The following AGMO variants were observed in gnomAD, a reference collection of about 807,000 sequenced individuals.
AGMO encodes glyceryl-ether monooxygenase.
A neutral mutation model predicts 60.2 loss-of-function variants in AGMO; 75 were observed. The ratio of observed to expected loss-of-function variants is 1.25; its 90% CI spans 1.03 to 1.51. The LOEUF is 1.51. Ranked by LOEUF, AGMO falls within the 40% of genes most tolerant of loss-of-function variation. The pLI is 0.00. For synonymous variants in AGMO, 261 were observed against 177.1 expected (o/e 1.47, Z -3.76); for missense variants, 763 against 525.5 (o/e 1.45, Z -4.42).
intron 12 of AGMO, among the ~76,000 whole-genome samples, chr7:15,313,778 A>C (rs1359447297): frequency 6.6e-6 from 1 of 151,900 alleles, no homozygotes; most frequent in African/African-American, 2.4e-5. Context: ...ATAAAGTTTA[A>C]TTTATAGACA....
At chr7:15,341,263 C>G (rs990790811) in intron 12 of AGMO, among the ~76,000 whole-genome samples, 8 of 152,264 alleles carry the variant, frequency 5.3e-5, no homozygotes, top group Non-Finnish European at 1.0e-4. Flanking sequence ...TTTTTATGCT[C>G]TGTCACCTCC....
chr7:15,416,027 C>CTTTTTTTTTTTTTT (rs759040945), intron 5 of AGMO, among the ~76,000 whole-genome samples: 3 of 130,882 alleles, frequency 2.3e-5, no homozygotes, highest in Non-Finnish European at 4.9e-5. Context: ...TTCTTTTTTT[C>CTTTTTTTTTTTTTT]TTTTTTTTTT....
intron 2 of AGMO, among the ~76,000 whole-genome samples, chr7:15,556,316 T>C (rs1368317796): frequency 2.0e-5 from 3 of 150,010 alleles, no homozygotes; most frequent in African/African-American, 7.4e-5. Flanking sequence ...TGCATATATA[T>C]GATTGAACAT....
chr7:15,326,830 A>G (rs942851937), intron 12 of AGMO, among the ~76,000 whole-genome samples: 14 of 152,182 alleles, frequency 9.2e-5, no homozygotes, highest in Non-Finnish European at 2.1e-4. Context: ...AAAAAACAAA[A>G]ACAGAGATTT....
chr7:15,131,704 C>T, the AGMO span, among the ~76,000 whole-genome samples: 2 of 151,442 alleles, frequency 1.3e-5, no homozygotes, highest in Admixed American at 6.6e-5. Flanking sequence ...TAGAGAAAGA[C>T]CTAGTAACAG....
intron 3 of AGMO, among the ~76,000 whole-genome samples, chr7:15,497,548 A>G (rs1385766632): frequency 6.6e-6 from 1 of 151,986 alleles, no homozygotes; most frequent in East Asian, 1.9e-4. Context: ...CATAACAGCA[A>G]CCCCTCAGAA....
chr7:15,183,174 GT>G, the AGMO span, among the ~76,000 whole-genome samples: 1 of 151,734 alleles, frequency 6.6e-6, no homozygotes, highest in Non-Finnish European at 1.5e-5. Flanking sequence ...CTGAAGAGGG[GT>G]CTGCCTTTAT....
In AGMO at chr7:15,465,998, T is replaced by C. The variant is rs76652044; in HGVS notation, c.410-34890A>G. Among the ~76,000 whole-genome samples the C allele has an allele frequency of 3.9e-4, 60 of 152,278 alleles. No homozygotes were observed. The East Asian group carries it at 8.1e-3, about 21-fold the overall frequency. The stretch of plus-strand genomic sequence containing the variant: ...AATTATTCATTTGTACTGAAACACC[T>C]AATATGTTAGCAATACTTCTTTATA... On this transcript the variant is annotated intron_variant, in intron 3 of 12. Coordinates refer to ENST00000342526, the MANE Select transcript of AGMO (RefSeq NM_001004320.2).
At chr7:15,346,962 T>C (rs542216661) in intron 12 of AGMO, among the ~76,000 whole-genome samples, 68 of 152,170 alleles carry the variant, frequency 4.5e-4, no homozygotes, top group South Asian at 8.3e-4. Flanking sequence ...CTTTTTTAAG[T>C]ATGTACTACA....
At chr7:15,221,002 G>A (rs1781903187) in intron 12 of AGMO, among the ~76,000 whole-genome samples, 1 of 152,096 alleles carries the variant, frequency 6.6e-6, no homozygotes, top group East Asian at 1.9e-4. Context: ...TGGAAGACTA[G>A]GAAAATACAA....
chr7:15,123,094 CCTAGA>C, the AGMO span, among the ~76,000 whole-genome samples: 1 of 151,978 alleles, frequency 6.6e-6, no homozygotes, highest in Non-Finnish European at 1.5e-5. Context: ...GCCCTAGGGA[CCTAGA>C]CTATTTTTTT....
chr7:15,502,045 G>A (rs544105543), intron 3 of AGMO, among the ~76,000 whole-genome samples: 8 of 152,142 alleles, frequency 5.3e-5, no homozygotes, highest in African/African-American at 9.6e-5. Context: ...ATCTAAGCCC[G>A]AATCTCAGAT....
chr7:15,513,938 C>A (rs926400994), intron 3 of AGMO, among the ~76,000 whole-genome samples: 2 of 152,140 alleles, frequency 1.3e-5, no homozygotes, highest in African/African-American at 4.8e-5. Flanking sequence ...CCTCCTATGA[C>A]CCCCAAACAC....
chr7:15,270,941 T>G lies in AGMO; in HGVS notation c.1264-69582A>C, dbSNP rs142404415. On this transcript the variant is annotated intron_variant, in intron 12 of 12. Transcript: ENST00000342526. The stretch of plus-strand genomic sequence containing the variant: ...GGGTGTCATTTTCCCCTTGTTTATT[T>G]TTGTCATCTTTGACAAAGGTCAGTT... Among the ~76,000 whole-genome samples, 1,457 of 152,210 alleles carry G rather than the reference T, an allele frequency of 9.6e-3. 26 individuals are homozygous for G. The highest frequency in any genetic ancestry group is 0.034 in the African/African-American group (1,418 of 41,524).
At position 15,322,048 on chromosome 7, in the gene AGMO, G is replaced by A. The variant is rs117928867; in HGVS notation, c.1263+43466C>T. ...CAGCTAAGAATGGTGGCATGCACAT[G>A]TAGTCTCAGCTACTCAGGAGTCTGA... On this transcript the variant is annotated intron_variant, in intron 12 of 12. Coordinates refer to ENST00000342526, the MANE Select transcript of AGMO (RefSeq NM_001004320.2). 6.7e-3 allele frequency among the ~76,000 whole-genome samples: 1,014 copies of A among 152,006 alleles called. 7 individuals carry two copies. The highest frequency in any genetic ancestry group is 0.011 in the Non-Finnish European group (751 of 67,974).
intron 12 of AGMO, among the ~76,000 whole-genome samples, chr7:15,316,220 T>C (rs1230346329): frequency 2.0e-5 from 3 of 152,134 alleles, no homozygotes; most frequent in African/African-American, 7.2e-5. Flanking sequence ...ATTTACATAT[T>C]GAAGAGACTA....
the AGMO span, among the ~76,000 whole-genome samples, chr7:15,125,796 A>G: frequency 6.6e-6 from 1 of 152,128 alleles, no homozygotes; most frequent in Non-Finnish European, 1.5e-5. Flanking sequence ...TTAAATAGAC[A>G]TGGGTATGAA....
chr7:15,476,061 G>C (rs1782586427), intron 3 of AGMO, among the ~76,000 whole-genome samples: 1 of 152,002 alleles, frequency 6.6e-6, no homozygotes, highest in Non-Finnish European at 1.5e-5. Flanking sequence ...CAAAATTTTT[G>C]GATGAGTAAG....
chr7:15,198,245 G>GAC (rs1781181892), downstream of AGMO, among the ~76,000 whole-genome samples: 1 of 94,386 alleles, frequency 1.1e-5, no homozygotes, highest in Non-Finnish European at 1.9e-5. Flanking sequence ...GAGAGAGAGA[G>GAC]AGAGAGAGAG....
Sources: allele counts gnomAD v4.1 joint callset (sites outside exome capture counted in the v4.1 genomes callset), GRCh38; gene constraint gnomAD v4.1.1; transcripts MANE v1.5; gene names NCBI Gene and HGNC (gene_info 2026-07-23, HGNC 2026-07-21).